Variants in GSK3B observed in about 807,000 individuals in gnomAD.
The protein encoded by GSK3B is glycogen synthase kinase-3 beta.
GSK3B carries 15 observed loss-of-function variants against 56.4 expected under a neutral mutation model. The ratio of observed to expected loss-of-function variants is 0.27; its 90% CI spans 0.18 to 0.41. The LOEUF is 0.41. Among genes scored for constraint, GSK3B ranks in the 10% least tolerant of loss-of-function variants. The probability of loss-of-function intolerance (pLI) is 1.00; values close to 1 mark genes in which losing one functional copy is unlikely to be tolerated. For synonymous variants in GSK3B, 181 were observed against 188.9 expected, an observed-to-expected ratio of 0.96 and a Z score of 0.34; for missense variants, 300 against 513.4, an observed-to-expected ratio of 0.58 and a Z score of 4.02.
rs1336025200 is a variant in GSK3B, at chr3:119,822,954, T to G, written c.*3834A>C. 2 of 229,206 alleles carry G rather than the reference T, an allele frequency of 8.7e-6. No individual in the cohort carries two copies. The highest frequency in any genetic ancestry group is 1.7e-5 in the Non-Finnish European group (2 of 115,626). The allele number at this position is 229,206 out of a possible 1,614,324, so 14.2% of individuals were successfully genotyped here. Reference sequence around the variant, plus strand: ...TATCCACAGGGATAGAGAATACTCCTCTCAGAAACCTTTGCATTGGTGCAG... The same window carrying G: ...TATCCACAGGGATAGAGAATACTCCGCTCAGAAACCTTTGCATTGGTGCAG... On this transcript the variant is annotated 3_prime_UTR_variant, in exon 11 of 11. Transcript: ENST00000264235.
chr3:120,071,734 A>G (rs2058328517), intron 1 of GSK3B, among the ~76,000 whole-genome samples: 1 of 152,246 alleles, frequency 6.6e-6, no homozygotes, highest in Non-Finnish European at 1.5e-5. Context: ...CAATGTAATA[A>G]TAATAAAGTG....
At position 120,050,319 on chromosome 3, in the gene GSK3B, G is replaced by A. The variant is rs1044585253; in HGVS notation, c.88+43028C>T. Among the ~76,000 whole-genome samples, 4 of 152,324 alleles carry A rather than the reference G, an allele frequency of 2.6e-5. No homozygotes were observed. In the East Asian group the frequency reaches 7.7e-4, roughly 29 times the overall value. On this transcript the variant is annotated intron_variant, in intron 1 of 10. Coordinates refer to ENST00000264235, the MANE Select transcript of GSK3B (RefSeq NM_001146156.2). ...ACTGCCACATTGATGATCGAAACAA[G>A]TTTTAATGCTGAAAAACAAACCATA... is the stretch of plus-strand genomic sequence containing the variant.
chr3:119,830,192 G>A (rs2055576726), intron 10 of GSK3B, among the ~76,000 whole-genome samples: 1 of 152,176 alleles, frequency 6.6e-6, no homozygotes, highest in African/African-American at 2.4e-5. Flanking sequence ...AGATGGACTG[G>A]CCCCTGGGCC....
intron 2 of GSK3B, among the ~76,000 whole-genome samples, chr3:119,968,034 T>G (rs760930557): frequency 6.6e-6 from 1 of 152,128 alleles, no homozygotes; most frequent in East Asian, 1.9e-4. Context: ...TTTTTGTATT[T>G]TTAGTAGGGA....
chr3:119,856,291 T>G (rs2056021946), intron 9 of GSK3B, among the ~76,000 whole-genome samples: 2 of 152,200 alleles, frequency 1.3e-5, no homozygotes, highest in Non-Finnish European at 2.9e-5. Flanking sequence ...GCTCCTGCAA[T>G]GTTGCATTTC....
Position 120,006,167 on chromosome 3 carries a change from A to G in GSK3B, c.89-3928T>C, listed in dbSNP as rs141242914. The stretch of plus-strand genomic sequence containing the variant: ...CCAACGAAGATCAAAAGAGACAAAG[A>G]GGGCCATTACATAATGGTAAAGTGA... On this transcript the variant is annotated intron_variant, in intron 1 of 10. Transcript: ENST00000264235. Among the ~76,000 whole-genome samples, 579 of 152,344 alleles carry G rather than the reference A, an allele frequency of 3.8e-3. 5 individuals are homozygous for G. The highest frequency in any genetic ancestry group is 0.014 in the African/African-American group (568 of 41,588).
chr3:119,941,573 T>C (rs958918757), intron 3 of GSK3B, among the ~76,000 whole-genome samples: 1 of 152,250 alleles, frequency 6.6e-6, no homozygotes, highest in East Asian at 1.9e-4. Context: ...AAACTCATTC[T>C]TTAATTGGTT....
intron 3 of GSK3B, among the ~76,000 whole-genome samples, chr3:119,944,212 C>G (rs1426415388): frequency 6.6e-6 from 1 of 152,126 alleles, no homozygotes; most frequent in African/African-American, 2.4e-5. Flanking sequence ...CCTGTAGGCT[C>G]ATGTTCTTAT....
At chr3:119,933,561 C>T (rs1386322923) in intron 3 of GSK3B, among the ~76,000 whole-genome samples, 1 of 152,132 alleles carries the variant, frequency 6.6e-6, no homozygotes, top group Admixed American at 6.5e-5. Flanking sequence ...AAACAAAAAG[C>T]CCACATGATA....
intron 2 of GSK3B, among the ~76,000 whole-genome samples, chr3:120,000,297 A>G (rs2057663205): frequency 6.6e-6 from 1 of 152,240 alleles, no homozygotes; most frequent in South Asian, 2.1e-4. Context: ...TTAAAAGTTA[A>G]GTCATAGTTA....
intron 1 of GSK3B, among the ~76,000 whole-genome samples, chr3:120,077,615 G>A (rs1219540841): frequency 6.6e-6 from 1 of 151,130 alleles, no homozygotes; most frequent in Non-Finnish European, 1.5e-5. Context: ...CTAGGCTTTT[G>A]TTAAGAGTTG....
At chr3:119,888,848 G>A (rs1024171370) in intron 7 of GSK3B, among the ~76,000 whole-genome samples, 3 of 152,030 alleles carry the variant, frequency 2.0e-5, no homozygotes, top group African/African-American at 7.2e-5. Flanking sequence ...GGGAGTGTCT[G>A]TCTTATGCCA....
chr3:120,022,597 A>T (rs1365478063), intron 1 of GSK3B, among the ~76,000 whole-genome samples: 2 of 152,190 alleles, frequency 1.3e-5, no homozygotes, highest in Non-Finnish European at 2.9e-5. Context: ...GAAATGAAAG[A>T]AAAAAAGACC....
At chr3:119,913,420 T>C (rs2056753760) in intron 5 of GSK3B, among the ~76,000 whole-genome samples, 1 of 152,126 alleles carries the variant, frequency 6.6e-6, no homozygotes, top group Non-Finnish European at 1.5e-5. Context: ...AACTCTGCTA[T>C]AGTAAGTATA....
chr3:119,951,527 T>C (rs2057157299), intron 2 of GSK3B, among the ~76,000 whole-genome samples: 2 of 152,238 alleles, frequency 1.3e-5, no homozygotes, highest in South Asian at 2.1e-4. Context: ...GCTGAGATCA[T>C]GCCAGTGCAC....
At chr3:119,976,514 T>C (rs919261507) in intron 2 of GSK3B, among the ~76,000 whole-genome samples, 3 of 152,024 alleles carry the variant, frequency 2.0e-5, no homozygotes, top group Non-Finnish European at 4.4e-5. Context: ...GGCAAATCCA[T>C]AGACAGGTAG....
At chr3:119,848,528 C>T (rs958899434) in intron 9 of GSK3B, among the ~76,000 whole-genome samples, 2 of 152,050 alleles carry the variant, frequency 1.3e-5, no homozygotes, top group South Asian at 2.1e-4. Flanking sequence ...TAACCATCTC[C>T]TCTAGTTCCA....
intron 2 of GSK3B, among the ~76,000 whole-genome samples, chr3:119,978,424 G>A (rs1371094939): frequency 1.3e-5 from 2 of 152,210 alleles, no homozygotes; most frequent in Non-Finnish European, 2.9e-5. Context: ...TCGGCCAGGA[G>A]TGCCTCTCAG....
chr3:119,981,346 T>C (rs1016609750), intron 2 of GSK3B, among the ~76,000 whole-genome samples: 1 of 152,224 alleles, frequency 6.6e-6, no homozygotes, highest in Admixed American at 6.5e-5. Flanking sequence ...TGGGAATGGT[T>C]GGACAGTGGG....
Sources: gnomAD v4.1 joint callset for allele counts (sites outside exome capture counted in the v4.1 genomes callset) on GRCh38, gnomAD v4.1.1 for gene constraint, MANE v1.5 for transcripts, NCBI Gene and HGNC (gene_info 2026-07-23, HGNC 2026-07-21) for gene names.